Variants in HMGB1 observed in about 807,000 individuals in gnomAD.
HMGB1 encodes the protein high mobility group protein B1.
For synonymous variants in HMGB1, 81 were observed against 84.0 expected (o/e 0.96, Z 0.19); for missense variants, 79 against 253.5 (o/e 0.31, Z 4.67).
rs1007514112 is a variant in HMGB1, at chr13:30,553,620, G to A, written c.-15+63051C>T. 8.6e-5 allele frequency: 54 copies of A among 626,092 alleles called. No homozygotes were observed. In the South Asian group the frequency reaches 8.8e-4, roughly 10 times the overall value. The allele number at this position is 626,092 out of a possible 1,614,324, so 38.8% of individuals were successfully genotyped here. On this transcript the variant is annotated intron_variant, in intron 1 of 4. Coordinates refer to the HMGB1 transcript ENST00000405805. Reference sequence around the variant, plus strand: ...CACATTGAGTGTCTGTCCAGCTTAGGAGCCAACCTCACTCTTCCATTTCTC... The same window carrying A: ...CACATTGAGTGTCTGTCCAGCTTAGAAGCCAACCTCACTCTTCCATTTCTC...
intron 1 of HMGB1, among the ~76,000 whole-genome samples, chr13:30,524,912 A>G (rs950568992): frequency 2.0e-5 from 3 of 152,182 alleles, no homozygotes; most frequent in Non-Finnish European, 4.4e-5. Context: ...GTGGTTATAT[A>G]TGCGTTGTTT....
Position 30,461,265 on chromosome 13 carries a change from C to T in HMGB1, c.*92G>A. 1 of 1,502,268 alleles carries T rather than the reference C, an allele frequency of 6.7e-7. No individual in the cohort carries two copies. The highest frequency in any genetic ancestry group is 8.9e-7 in the Non-Finnish European group (1 of 1,128,830). The allele number at this position is 1,502,268 out of a possible 1,614,324, so 93.1% of individuals were successfully genotyped here. ...TAAAAACAAATCTTACACAGCCTTA[C>T]ATTTCAATTTTTTTCTTTAAAAGGA... On this transcript the variant is annotated 3_prime_UTR_variant, in exon 5 of 5. Transcript: ENST00000341423.
chr13:30,457,805 G>C lies in HMGB1; in HGVS notation c.*3552C>G, dbSNP rs986526497. 2.0e-5 allele frequency: 3 copies of C among 152,204 alleles called. No individual in the cohort carries two copies. Among genetic ancestry groups the C allele is most frequent in the African/African-American group, 7.2e-5 (3 of 41,450 alleles). 9.4% of individuals were successfully genotyped at this position (152,204 alleles called of 1,614,324 possible). A position where few individuals can be genotyped will look rare whatever the true frequency, so the allele number is the denominator to read the frequency against. ...TTTGCCTCATTACTCTGGGAGCAAT[G>C]TGGCATAGACCCATGGAATTTCCCA... On this transcript the variant is annotated 3_prime_UTR_variant, in exon 5 of 5. Transcript: ENST00000341423.
chr13:30,602,784 G>C (rs571889405), intron 1 of HMGB1, among the ~76,000 whole-genome samples: 4 of 152,216 alleles, frequency 2.6e-5, no homozygotes, highest in African/African-American at 9.6e-5. Flanking sequence ...ACCTCGTTTT[G>C]TTTTCCTTGT....
chr13:30,578,662 C>G (rs1278961655), intron 1 of HMGB1, among the ~76,000 whole-genome samples: 1 of 152,156 alleles, frequency 6.6e-6, no homozygotes, highest in African/African-American at 2.4e-5. Flanking sequence ...CGGAACCTCT[C>G]TGGGCTTCTC....
intron 1 of HMGB1, among the ~76,000 whole-genome samples, chr13:30,551,981 A>T: frequency 6.6e-6 from 1 of 152,284 alleles, no homozygotes; most frequent in South Asian, 2.1e-4. Context: ...GGTGTGAGCC[A>T]CTGCACCTGG....
At chr13:30,529,891 C>T (rs1364685601) in intron 1 of HMGB1, among the ~76,000 whole-genome samples, 1 of 152,160 alleles carries the variant, frequency 6.6e-6, no homozygotes, top group Non-Finnish European at 1.5e-5. Flanking sequence ...ATATTATTTC[C>T]CTGCCACCAT....
intron 1 of HMGB1, among the ~76,000 whole-genome samples, chr13:30,607,363 C>G (rs115102818): frequency 2.0e-5 from 3 of 151,988 alleles, no homozygotes; most frequent in Non-Finnish European, 4.4e-5. Flanking sequence ...ATCATGGGGG[C>G]GGCCTTCCCC....
intron 1 of HMGB1, among the ~76,000 whole-genome samples, chr13:30,519,914 T>C (rs1000651526): frequency 1.3e-5 from 2 of 152,230 alleles, no homozygotes; most frequent in African/African-American, 2.4e-5. Context: ...TCACTTACCA[T>C]TTTATACTTT....
At chr13:30,595,529 G>A (rs984489765) in intron 1 of HMGB1, among the ~76,000 whole-genome samples, 5 of 152,144 alleles carry the variant, frequency 3.3e-5, no homozygotes, top group Admixed American at 6.5e-5. Flanking sequence ...CTATTGCTGC[G>A]TAGCATATTT....
chr13:30,525,894 G>A (rs752914228), intron 1 of HMGB1, among the ~76,000 whole-genome samples: 3 of 151,860 alleles, frequency 2.0e-5, no homozygotes, highest in Non-Finnish European at 2.9e-5. Context: ...TGGGGGTTTC[G>A]TCATGTTGCC....
chr13:30,507,987 ACTCT>A (rs1887906619), intron 1 of HMGB1, among the ~76,000 whole-genome samples: 1 of 151,996 alleles, frequency 6.6e-6, no homozygotes, highest in Non-Finnish European at 1.5e-5. Flanking sequence ...ACAGAGTGAG[ACTCT>A]CTCTCTAAAA....
chr13:30,461,612 T>G, intron 4 of HMGB1, 79 bp from the exon 5 acceptor site: 1 of 1,576,514 alleles, frequency 6.3e-7, no homozygotes, highest in Non-Finnish European at 8.6e-7. Context: ...CAGAACTTTA[T>G]GAAAGAAATC....
chr13:30,554,203 G>C (rs1869568749), intron 1 of HMGB1: 2 of 1,437,464 alleles, frequency 1.4e-6, no homozygotes, highest in South Asian at 1.1e-5. Flanking sequence ...TGCATTATAC[G>C]ACCTGGCCAG....
At chr13:30,606,688 A>G (rs1950461929) in intron 1 of HMGB1, among the ~76,000 whole-genome samples, 1 of 152,238 alleles carries the variant, frequency 6.6e-6, no homozygotes. Flanking sequence ...CATCTGGATG[A>G]GAAAATTGAT....
At chr13:30,602,137 C>T (rs1441070643) in intron 1 of HMGB1, among the ~76,000 whole-genome samples, 2 of 151,776 alleles carry the variant, frequency 1.3e-5, no homozygotes, top group African/African-American at 4.8e-5. Flanking sequence ...TCACCGGGGA[C>T]ACCAGCACCA....
rs1182389781 is a variant in HMGB1 at position 30,500,988 on chromosome 13, T to C, written c.-14-37294A>G. Among the ~76,000 whole-genome samples the C allele has an allele frequency of 2.0e-4, 31 of 152,178 alleles. No individual in the cohort carries two copies. The South Asian group carries it at 2.1e-3, about 10-fold the overall frequency. ...GCACTCAGCCCACACCTGGCTAATT[T>C]TTTAAAAAATTTTTTTGCAGACATG... On this transcript the variant is annotated intron_variant, in intron 1 of 4. Coordinates refer to the HMGB1 transcript ENST00000405805.
At chr13:30,600,414 T>C (rs1189884161) in intron 1 of HMGB1, among the ~76,000 whole-genome samples, 1 of 142,898 alleles carries the variant, frequency 7.0e-6, no homozygotes. Flanking sequence ...ATAAGACAAA[T>C]AGCAGGTATA....
intron 1 of HMGB1, among the ~76,000 whole-genome samples, chr13:30,565,185 T>C (rs1160061529): frequency 6.6e-6 from 1 of 152,246 alleles, no homozygotes; most frequent in East Asian, 1.9e-4. Flanking sequence ...CTTCCATTTT[T>C]GAATTTATAT....
Sources: gnomAD v4.1 joint callset for allele counts (sites outside exome capture counted in the v4.1 genomes callset) on GRCh38, gnomAD v4.1.1 for gene constraint, MANE v1.5 for transcripts, NCBI Gene and HGNC (gene_info 2026-07-23, HGNC 2026-07-21) for gene names.